Variants in NUFIP2 observed in about 807,000 individuals in gnomAD.
The protein encoded by NUFIP2 is nuclear FMR1 interacting protein 2, also known as FMR1-interacting protein NUFIP2.
A neutral mutation model predicts 56.9 loss-of-function variants in NUFIP2; 6 were observed. That is an observed-to-expected ratio of 0.11 (90% CI 0.06 to 0.21). NUFIP2 has a LOEUF of 0.21. NUFIP2 is among the 10% of genes least tolerant of loss of function. The pLI is 1.00. For missense variants in NUFIP2, 828 were observed against 826.8 expected, an observed-to-expected ratio of 1.00 and a Z score of -0.02; for synonymous variants, 321 against 298.2, an observed-to-expected ratio of 1.08 and a Z score of -0.79.
At chr17:29,272,353 G>A (rs966087522) in intron 2 of NUFIP2, among the ~76,000 whole-genome samples, 4 of 149,400 alleles carry the variant, frequency 2.7e-5, no homozygotes, top group Non-Finnish European at 4.4e-5. Context: ...CCATTCTCCC[G>A]CCTCAGCCTC....
intron 2 of NUFIP2, among the ~76,000 whole-genome samples, chr17:29,270,280 T>G (rs971759556): frequency 2.8e-5 from 4 of 143,746 alleles, no homozygotes; most frequent in Admixed American, 1.4e-4. Flanking sequence ...CCCTTTCTCC[T>G]GAGAGGTCTA....
At position 29,293,996 on chromosome 17, in the gene NUFIP2, G is replaced by A. The variant is rs1213241343; in HGVS notation, c.64C>T (p.His22Tyr). ...GGCTGCTGCTGCTGCTGCTGAGGGT[G>A]ATGGTGCGGATGGTGGTGGCTGTGA... ...HHHSHHHPHH[H>Y]PQQQQQQPHH... Residue 22 changes from histidine (H) to tyrosine (Y), a missense_variant, in exon 1 of 4, where the codon CAC becomes TAC. Around this residue, in one of 3 missense-constraint regions of NUFIP2, gnomAD observed 415 missense variants for 408.7 expected, o/e 1.02. Transcript: ENST00000225388. 1 of 1,612,922 alleles carries A rather than the reference G, an allele frequency of 6.2e-7. No individual in the cohort carries two copies. Among genetic ancestry groups the A allele is most frequent in the Non-Finnish European group, 8.5e-7 (1 of 1,179,278 alleles).
intron 2 of NUFIP2, among the ~76,000 whole-genome samples, chr17:29,282,716 C>T (rs2069147817): frequency 6.6e-6 from 1 of 152,088 alleles, no homozygotes; most frequent in African/African-American, 2.4e-5. Flanking sequence ...ATGCAGAGAA[C>T]TTCCAATTCT....
At chr17:29,291,643 G>C (rs1006458145) in intron 1 of NUFIP2, among the ~76,000 whole-genome samples, 1 of 152,218 alleles carries the variant, frequency 6.6e-6, no homozygotes, top group Admixed American at 6.5e-5. Context: ...AGTCTGGCAA[G>C]AGTATATTAA....
In NUFIP2 at chr17:29,264,463, A is replaced by G. The variant is rs1403971169; in HGVS notation, c.*76T>C. On this transcript the variant is annotated 3_prime_UTR_variant, in exon 4 of 4. Coordinates refer to ENST00000225388, the MANE Select transcript of NUFIP2 (RefSeq NM_020772.3). ...TCCTCTGCTGCGTTGAAGATCTAGG[A>G]GCATAAAAGCCTTGTGTCCCCCATG... 2.3e-6 allele frequency: 2 copies of G among 875,586 alleles called. No homozygotes were observed. The highest frequency in any genetic ancestry group is 3.3e-5 in the African/African-American group (2 of 60,204). The allele number at this position is 875,586 out of a possible 1,614,324, so 54.2% of individuals were successfully genotyped here.
rs780626320 is a variant in NUFIP2, at chr17:29,287,647, G to C, written c.347C>G (p.Ala116Gly). Reference sequence around the variant, plus strand: ...GAGGACCCTGGAAATAGGGTTGGTGGCTTCATCAGAACTCAGGTTCTTTAA... The same window carrying C: ...GAGGACCCTGGAAATAGGGTTGGTGCCTTCATCAGAACTCAGGTTCTTTAA... ...ISLKNLSSDE[A>G]TNPISRVLNG... Residue 116 changes from alanine to glycine, a missense_variant, in exon 2 of 4, where the codon GCC becomes GGC. By Grantham distance (60) the Ala-to-Gly change is moderately conservative. Around this residue, in one of 3 missense-constraint regions of NUFIP2, gnomAD observed 415 missense variants for 408.7 expected, o/e 1.02. Transcript: ENST00000225388. 106 of 1,613,788 alleles carry C rather than the reference G, an allele frequency of 6.6e-5. No homozygotes were observed. Among genetic ancestry groups the C allele is most frequent in the Non-Finnish European group, 8.5e-5 (100 of 1,179,998 alleles).
intron 2 of NUFIP2, among the ~76,000 whole-genome samples, chr17:29,281,756 C>A (rs797966): frequency 2.1e-5 from 3 of 140,812 alleles, no homozygotes; most frequent in Non-Finnish European, 3.0e-5. Context: ...CCACACAAAT[C>A]CCGCCACCCC....
intron 2 of NUFIP2, among the ~76,000 whole-genome samples, chr17:29,285,282 A>T (rs1417656754): frequency 1.3e-5 from 2 of 150,130 alleles, no homozygotes; most frequent in Non-Finnish European, 3.0e-5. Flanking sequence ...CCTGGGTGAG[A>T]GAGTGAGACT....
At chr17:29,282,777 C>T (rs950290287) in intron 2 of NUFIP2, among the ~76,000 whole-genome samples, 3 of 152,040 alleles carry the variant, frequency 2.0e-5, no homozygotes, top group Non-Finnish European at 4.4e-5. Flanking sequence ...CATCTGAAAA[C>T]TACACTAAAG....
At chr17:29,272,848 TTTTTC>T (rs1377938191) in intron 2 of NUFIP2, among the ~76,000 whole-genome samples, 10 of 152,004 alleles carry the variant, frequency 6.6e-5, no homozygotes, top group South Asian at 4.2e-4. Flanking sequence ...TTCTTTTTTT[TTTTTC>T]TTTTCTTTTC....
At position 29,287,421 on chromosome 17, in the gene NUFIP2, T is replaced by C. The variant is rs1329468122; in HGVS notation, c.573A>G (p.Val191=). The change falls in exon 2 of 4, where the codon GTA becomes GTG. Residue 191 remains valine (V), a synonymous_variant. Coordinates refer to ENST00000225388, the MANE Select transcript of NUFIP2 (RefSeq NM_020772.3). ...SDTIPIPNGV[V]TNNSGYITNG... is the part of the protein sequence containing the mutation. Reference sequence around the variant, plus strand: ...TAGTAATATAACCAGAATTATTTGTTACCACACCATTTGGAATTGGTATAG... The same window carrying C: ...TAGTAATATAACCAGAATTATTTGTCACCACACCATTTGGAATTGGTATAG... 2 of 1,614,144 alleles carry C rather than the reference T, an allele frequency of 1.2e-6. No homozygotes were observed. The highest frequency in any genetic ancestry group is 1.7e-5 in the Admixed American group (1 of 60,022).
chr17:29,287,271 C>G lies in NUFIP2; in HGVS notation c.723G>C (p.Gln241His). ...TGGTCTCTTGTTGCATTATTTTGTC[C>G]TGCACTATATTAAGGTTTTCACAAC... ...AKGCENLNIV[Q>H]DKIMQQETSV... Residue 241 changes from glutamine (Q) to histidine (H), a missense_variant, in exon 2 of 4, where the codon CAG becomes CAC. By Grantham distance (24) the Gln-to-His change is conservative (BLOSUM62 0). This residue lies in a region of NUFIP2 where 415 missense variants were observed against 408.7 expected (regional missense o/e 1.02). Transcript: ENST00000225388. 2 of 1,614,152 alleles carry G rather than the reference C, an allele frequency of 1.2e-6. No homozygotes were observed. Among genetic ancestry groups the G allele is most frequent in the Non-Finnish European group, 1.7e-6 (2 of 1,180,032 alleles).
intron 2 of NUFIP2, among the ~76,000 whole-genome samples, chr17:29,280,819 C>T (rs2069135061): frequency 6.6e-6 from 1 of 151,902 alleles, no homozygotes; most frequent in Admixed American, 6.6e-5. Flanking sequence ...AACCCCGTCT[C>T]TACTAAAAAT....
intron 1 of NUFIP2, among the ~76,000 whole-genome samples, chr17:29,290,088 T>C (rs1218860300): frequency 1.3e-5 from 2 of 152,012 alleles, no homozygotes; most frequent in African/African-American, 2.4e-5. Context: ...TTCCGCCACG[T>C]TGGCCTGGCT....
rs373132611 is a variant in NUFIP2, at chr17:29,263,145, CTTG to C, written c.*1391_*1393del. 1.9e-4 allele frequency: 29 copies of C among 152,638 alleles called. 1 individual carries two copies. In the East Asian group the frequency reaches 4.1e-3, roughly 21 times the overall value. The allele number at this position is 152,638 out of a possible 1,614,324, so 9.5% of individuals were successfully genotyped here. On this transcript the variant is annotated 3_prime_UTR_variant, in exon 4 of 4. Transcript: ENST00000225388. ...TGTGATGCTGTGTCAGGCCAGACAACTTGTTATTATGTTACTAACATCACCCAA... is the reference window on the plus strand; with the variant it reads ...TGTGATGCTGTGTCAGGCCAGACAACTTATTATGTTACTAACATCACCCAA...
chr17:29,293,862 G>C lies in NUFIP2; in HGVS notation c.198C>G (p.Pro66=). The C allele has an allele frequency of 5.6e-6, 9 of 1,613,116 alleles. No individual in the cohort carries two copies. The highest frequency in any genetic ancestry group is 6.8e-6 in the Non-Finnish European group (8 of 1,179,300). ...QYLQHGAEGS[P]KAQPKPLKHE... Reference sequence around the variant, plus strand: ...GTTTCAGCGGCTTTGGCTGGGCCTTGGGGCTGCCCTCGGCTCCATGCTGCA... The same window carrying C: ...GTTTCAGCGGCTTTGGCTGGGCCTTCGGGCTGCCCTCGGCTCCATGCTGCA... The change falls in exon 1 of 4, where the codon CCC becomes CCG. Residue 66 remains proline (P), a synonymous_variant. Transcript: ENST00000225388.
At chr17:29,265,110 A>G (rs1274510212) in intron 3 of NUFIP2, among the ~76,000 whole-genome samples, 1 of 152,144 alleles carries the variant, frequency 6.6e-6, no homozygotes, top group African/African-American at 2.4e-5. Context: ...AGACTGACTC[A>G]ACTTCCCACA....
At chr17:29,292,927 G>A (rs1324236970) in intron 1 of NUFIP2, among the ~76,000 whole-genome samples, 4 of 143,832 alleles carry the variant, frequency 2.8e-5, no homozygotes, top group Non-Finnish European at 6.1e-5. Flanking sequence ...CGCCCCCGCA[G>A]TGCAGGGGGC....
intron 3 of NUFIP2, 131 bp downstream of exon 3, chr17:29,267,367 G>C (rs2069044478): frequency 5.2e-6 from 3 of 579,102 alleles, no homozygotes; most frequent in Admixed American, 6.8e-5. Flanking sequence ...AGTGCCTTTT[G>C]ATTGCAGTTA....
Sources: gnomAD v4.1 joint callset for allele counts (sites outside exome capture counted in the v4.1 genomes callset) on GRCh38, gnomAD v4.1.1 for gene constraint, gnomAD v4.1.1 regional missense constraint, MANE v1.5 for transcripts, NCBI Gene and HGNC (gene_info 2026-07-23, HGNC 2026-07-21) for gene names.